The following DOCK8 variants were observed in gnomAD, a reference collection of about 807,000 sequenced individuals.
DOCK8 encodes the protein dedicator of cytokinesis protein 8.
Under a neutral mutation model 245.6 loss-of-function variants are expected in DOCK8, and 141 were observed. The observed-to-expected ratio is 0.57, with a 90% CI of 0.50 to 0.66. The LOEUF is 0.66. Ranked by LOEUF, DOCK8 falls within the 30% of genes least tolerant of loss-of-function variation. The pLI is 0.00. For missense variants in DOCK8, 2,965 were observed against 2,603.4 expected (o/e 1.14, Z -3.02); for synonymous variants, 1,168 against 970.2 (o/e 1.20, Z -3.79).
chr9:371,163 T>TG (rs1185132899), intron 16 of DOCK8, among the ~76,000 whole-genome samples: 1 of 148,252 alleles, frequency 6.7e-6, no homozygotes, highest in Non-Finnish European at 1.5e-5. Context: ...TTCCATTGTG[T>TG]GGGGGAGTTG....
intron 11 of DOCK8, 128 bp downstream of exon 11, chr9:334,512 G>A (rs1361667868): frequency 1.0e-6 from 1 of 974,598 alleles, no homozygotes; most frequent in African/African-American, 1.6e-5. Context: ...GAGATAAATA[G>A]AATGAAACAC....
At chr9:378,691 G>C (rs1254091958) in intron 20 of DOCK8, among the ~76,000 whole-genome samples, 2 of 152,194 alleles carry the variant, frequency 1.3e-5, no homozygotes, top group Non-Finnish European at 2.9e-5. Context: ...TATATGTTTT[G>C]AGCAGCTTCT....
intron 31 of DOCK8, 33 bp downstream of exon 31, chr9:420,616 T>A (rs1292412425): frequency 6.2e-7 from 1 of 1,612,370 alleles, no homozygotes; most frequent in Non-Finnish European, 8.5e-7. Context: ...TTATACCAGC[T>A]CTTATCTCTC....
chr9:281,349 T>G (rs190946525), intron 2 of DOCK8, among the ~76,000 whole-genome samples: 133 of 152,320 alleles, frequency 8.7e-4, no homozygotes, highest in Non-Finnish European at 1.7e-3. Flanking sequence ...GACATAAAGG[T>G]GACCTTGAAA....
chr9:275,858 G>C (rs1245103662), intron 2 of DOCK8, among the ~76,000 whole-genome samples: 4 of 148,276 alleles, frequency 2.7e-5, no homozygotes, highest in African/African-American at 1.0e-4. Flanking sequence ...CAAAGTGCTG[G>C]GATTACAGGC....
At chr9:256,232 A>G (rs981395351) in intron 1 of DOCK8, among the ~76,000 whole-genome samples, 3 of 152,322 alleles carry the variant, frequency 2.0e-5, no homozygotes, top group Admixed American at 6.5e-5. Context: ...ACAATAAAGG[A>G]CATGGTGGCT....
chr9:339,950 C>G (rs753641824), intron 13 of DOCK8, among the ~76,000 whole-genome samples: 26 of 152,188 alleles, frequency 1.7e-4, no homozygotes, highest in South Asian at 1.0e-3. Flanking sequence ...TTTACAATTT[C>G]TTGCTTTATA....
intron 24 of DOCK8, among the ~76,000 whole-genome samples, chr9:392,360 C>A (rs1234682450): frequency 6.6e-6 from 1 of 152,184 alleles, no homozygotes; most frequent in Non-Finnish European, 1.5e-5. Context: ...CACAGAAACA[C>A]ACCCAGGATT....
intron 21 of DOCK8, chr9:381,461 T>C (rs2131291118): frequency 6.6e-6 from 1 of 152,340 alleles, no homozygotes; most frequent in East Asian, 1.9e-4. Flanking sequence ...AACTGAACTA[T>C]TGAAATAATA....
In DOCK8 at chr9:322,714, A is replaced by G. The variant is rs140544438; in HGVS notation, c.828-2957A>G. ...ACCAACCTAAGTATATCACAGCAAT[A>G]TTCAGGCCCTTTGTGTAGTAGGGAG... On this transcript the variant is annotated intron_variant, in intron 7 of 47. Coordinates refer to ENST00000432829, the MANE Select transcript of DOCK8 (RefSeq NM_203447.4). Among the ~76,000 whole-genome samples the G allele has an allele frequency of 3.3e-3, 500 of 152,328 alleles. 4 individuals are homozygous for G. Among genetic ancestry groups the G allele is most frequent in the African/African-American group, 0.011 (471 of 41,574 alleles).
chr9:444,914 G>A (rs1175336387), intron 43 of DOCK8, among the ~76,000 whole-genome samples: 1 of 152,268 alleles, frequency 6.6e-6, no homozygotes, highest in South Asian at 2.1e-4. Flanking sequence ...TATCATTAAG[G>A]GCCCTGGGAC....
At chr9:280,061 A>G (rs962625572) in intron 2 of DOCK8, among the ~76,000 whole-genome samples, 1 of 152,236 alleles carries the variant, frequency 6.6e-6, no homozygotes, top group Non-Finnish European at 1.5e-5. Flanking sequence ...GGAATTTTCA[A>G]TTTGAGAACA....
chr9:308,947 G>A (rs1053688753), intron 5 of DOCK8, among the ~76,000 whole-genome samples: 12 of 152,278 alleles, frequency 7.9e-5, no homozygotes, highest in African/African-American at 2.4e-4. Flanking sequence ...ATGAGCCACC[G>A]CACCTGGCCA....
chr9:329,707 A>G (rs1362872194), intron 9 of DOCK8, among the ~76,000 whole-genome samples: 8 of 152,224 alleles, frequency 5.3e-5, no homozygotes, highest in Admixed American at 4.6e-4. Flanking sequence ...CACTAGTTCT[A>G]TAGAGCCAAA....
intron 33 of DOCK8, among the ~76,000 whole-genome samples, chr9:423,022 G>A (rs533711388): frequency 1.0e-4 from 15 of 149,188 alleles, no homozygotes; most frequent in African/African-American, 3.7e-4. Context: ...AATCTCTGAT[G>A]ACATATAGTC....
intron 16 of DOCK8, among the ~76,000 whole-genome samples, chr9:370,957 T>C (rs929551900): frequency 5.3e-5 from 8 of 152,232 alleles, no homozygotes; most frequent in Admixed American, 4.6e-4. Flanking sequence ...CGTAATGTAC[T>C]TCGTAATTAA....
intron 29 of DOCK8, among the ~76,000 whole-genome samples, chr9:416,526 T>A (rs1308751356): frequency 6.6e-6 from 1 of 152,226 alleles, no homozygotes; most frequent in African/African-American, 2.4e-5. Context: ...TTTATGATCA[T>A]GATGTAGCTG....
chr9:393,989 G>A (rs2054323576), intron 24 of DOCK8, among the ~76,000 whole-genome samples: 1 of 152,262 alleles, frequency 6.6e-6, no homozygotes, highest in Non-Finnish European at 1.5e-5. Flanking sequence ...AGTAACTGGG[G>A]CCTAGAAAAA....
chr9:294,758 A>G (rs2049182956), intron 4 of DOCK8, among the ~76,000 whole-genome samples: 1 of 152,246 alleles, frequency 6.6e-6, no homozygotes, highest in Non-Finnish European at 1.5e-5. Flanking sequence ...AGATAAACAA[A>G]CTCTGGTAAA....
Sources: allele counts gnomAD v4.1 joint callset (sites outside exome capture counted in the v4.1 genomes callset), GRCh38; gene constraint gnomAD v4.1.1; transcripts MANE v1.5; gene names NCBI Gene and HGNC (gene_info 2026-07-23, HGNC 2026-07-21).